Variants in MTCL2 observed in about 807,000 individuals in gnomAD.
MTCL2 encodes the protein microtubule crosslinking factor 2, also known as microtubule cross-linking factor 2.
At chr20:36,793,921 G>A in the MTCL2 span, 11 of 1,551,292 alleles carry the variant, frequency 7.1e-6, no homozygotes, top group Admixed American at 5.9e-5. The surrounding 1 kb of genome is among the most constrained non-coding windows in gnomAD (Gnocchi z 6.8). Context: ...GCAGGCCCAC[G>A]CTGACCGTGC....
the MTCL2 span, chr20:36,793,167 T>G: frequency 6.9e-7 from 1 of 1,445,748 alleles, no homozygotes; most frequent in Middle Eastern, 1.8e-4. The surrounding 1 kb of genome is among the most constrained non-coding windows in gnomAD (Gnocchi z 6.8). Flanking sequence ...GGCCCATATC[T>G]CTGAACTTAA....
At chr20:36,794,512 C>T in the MTCL2 span, 1 of 1,614,068 alleles carries the variant, frequency 6.2e-7, no homozygotes, top group Non-Finnish European at 8.5e-7. The surrounding 1 kb of genome is among the most constrained non-coding windows in gnomAD (Gnocchi z 5.4). Flanking sequence ...TGTTAGGCAG[C>T]TTCTTGCCCC....
At chr20:36,850,788 A>G in the MTCL2 span, among the ~76,000 whole-genome samples, 2 of 152,234 alleles carry the variant, frequency 1.3e-5, no homozygotes, top group Admixed American at 1.3e-4. Context: ...AAATTCTCCA[A>G]TGATCACCAA....
At chr20:36,839,252 C>T in the MTCL2 span, 38 of 1,607,054 alleles carry the variant, frequency 2.4e-5, no homozygotes, top group Middle Eastern at 5.0e-4. The surrounding 1 kb of genome is among the most constrained non-coding windows in gnomAD (Gnocchi z 5.1). Context: ...ATAAGCTCGC[C>T]GTCCACCTGG....
the MTCL2 span, chr20:36,812,860 C>T: frequency 6.2e-7 from 1 of 1,607,676 alleles, no homozygotes; most frequent in South Asian, 1.1e-5. Flanking sequence ...CCCAGAGGCA[C>T]AGGCAGAACA....
the MTCL2 span, chr20:36,828,798 A>C: frequency 2.3e-6 from 1 of 439,424 alleles, no homozygotes; most frequent in Non-Finnish European, 4.0e-6. Flanking sequence ...TCTCTCTCTC[A>C]TTACCCCGTG....
the MTCL2 span, among the ~76,000 whole-genome samples, chr20:36,811,401 G>C: frequency 6.6e-6 from 1 of 152,220 alleles, no homozygotes; most frequent in East Asian, 1.9e-4. Flanking sequence ...GGCTGAGACG[G>C]GAAGATCACT....
the MTCL2 span, among the ~76,000 whole-genome samples, chr20:36,821,925 T>C: frequency 2.0e-5 from 3 of 152,214 alleles, no homozygotes; most frequent in African/African-American, 7.2e-5. Context: ...TAAAATATAC[T>C]TTCCCCAAGA....
At chr20:36,862,587 G>A in the MTCL2 span, 10 of 1,360,396 alleles carry the variant, frequency 7.4e-6, no homozygotes, top group Non-Finnish European at 9.6e-6. Context: ...GGGCCGGCTG[G>A]TGCCTCAGGC....
the MTCL2 span, chr20:36,815,843 G>A: frequency 1.1e-5 from 17 of 1,599,236 alleles, no homozygotes; most frequent in Non-Finnish European, 1.3e-5. This position sits in a 1 kb window ranked among gnomAD's most constrained non-coding sequence, Gnocchi z 5.3. Context: ...TCTGGTCCTC[G>A]AGCTCGGCAG....
At chr20:36,791,423 A>G in the MTCL2 span, among the ~76,000 whole-genome samples, 1 of 152,234 alleles carries the variant, frequency 6.6e-6, no homozygotes, top group Admixed American at 6.5e-5. Flanking sequence ...TTGCACCAAG[A>G]TGTTCACCAC....
chr20:36,812,693 C>A, the MTCL2 span: 1 of 1,613,794 alleles, frequency 6.2e-7, no homozygotes, highest in South Asian at 1.1e-5. Flanking sequence ...CTTGCTCAGG[C>A]CTAGACCCAC....
At chr20:36,780,253 C>T in the MTCL2 span, 1 of 151,352 alleles carries the variant, frequency 6.6e-6, no homozygotes, top group African/African-American at 2.4e-5. Context: ...TAGAATAGGC[C>T]AATCCACAGA....
the MTCL2 span, among the ~76,000 whole-genome samples, chr20:36,827,539 C>T: frequency 2.6e-5 from 4 of 151,694 alleles, no homozygotes; most frequent in Admixed American, 1.3e-4. Context: ...ACTATGTTGC[C>T]CAGGCTGGTC....
chr20:36,861,853 C>G, the MTCL2 span, among the ~76,000 whole-genome samples: 22 of 152,360 alleles, frequency 1.4e-4, no homozygotes, highest in Middle Eastern at 3.4e-3. Flanking sequence ...AAGGCAAAGC[C>G]TGCTGTCCGG....
At chr20:36,794,190 C>T in the MTCL2 span, 4 of 1,547,860 alleles carry the variant, frequency 2.6e-6, no homozygotes, top group Non-Finnish European at 3.5e-6. The surrounding 1 kb of genome is among the most constrained non-coding windows in gnomAD (Gnocchi z 5.4). Flanking sequence ...TAGGAGCTCT[C>T]AGCCAGCCCA....
the MTCL2 span, among the ~76,000 whole-genome samples, chr20:36,838,493 G>A: frequency 6.6e-6 from 1 of 152,122 alleles, no homozygotes; most frequent in Non-Finnish European, 1.5e-5. Context: ...TACTCAGGAA[G>A]CTGAGGTGGG....
chr20:36,855,411 C>T, the MTCL2 span, among the ~76,000 whole-genome samples: 2 of 152,224 alleles, frequency 1.3e-5, no homozygotes, highest in East Asian at 3.9e-4. Flanking sequence ...TGCTCTGACC[C>T]CTGCTGTGCC....
At chr20:36,820,447 A>G in the MTCL2 span, among the ~76,000 whole-genome samples, 1 of 152,236 alleles carries the variant, frequency 6.6e-6, no homozygotes, top group Non-Finnish European at 1.5e-5. Flanking sequence ...AGAAGTGACC[A>G]GCAAAACAAA....
Sources: allele counts gnomAD v4.1 joint callset (sites outside exome capture counted in the v4.1 genomes callset), GRCh38; gene constraint gnomAD v4.1.1; non-coding constraint Gnocchi (gnomAD v3.1); transcripts MANE v1.5; gene names NCBI Gene and HGNC (gene_info 2026-07-23, HGNC 2026-07-21).